The following RSPO2 variants were observed in gnomAD, a reference collection of about 807,000 sequenced individuals.
RSPO2 encodes R-spondin-2.
RSPO2 carries 14 observed loss-of-function variants against 30.9 expected under a neutral mutation model. The observed-to-expected ratio is 0.45, with a 90% CI of 0.30 to 0.71. The LOEUF is 0.71. Among genes scored for constraint, RSPO2 ranks in the 30% least tolerant of loss-of-function variants. The pLI is 0.08. For missense variants in RSPO2, 264 were observed against 301.9 expected (o/e 0.87, Z 0.93); for synonymous variants, 107 against 96.4 (o/e 1.11, Z -0.64).
intron 2 of RSPO2, among the ~76,000 whole-genome samples, chr8:108,015,025 A>G (rs889505308): frequency 6.6e-6 from 1 of 152,166 alleles, no homozygotes; most frequent in African/African-American, 2.4e-5. Flanking sequence ...CTTCTTGATT[A>G]AAAAGAAATG....
At chr8:107,992,545 G>A (rs977920769) in intron 2 of RSPO2, among the ~76,000 whole-genome samples, 8 of 152,042 alleles carry the variant, frequency 5.3e-5, no homozygotes, top group Non-Finnish European at 1.0e-4. Context: ...ACTTGTACCC[G>A]TGAACTTAAA....
chr8:108,056,643 A>AAG, intron 2 of RSPO2, among the ~76,000 whole-genome samples: 1 of 143,832 alleles, frequency 7.0e-6, no homozygotes, highest in Non-Finnish European at 1.5e-5. Flanking sequence ...AAAAAAAAAA[A>AAG]GAAAAGAAAA....
chr8:107,926,176 T>C (rs1418935344), intron 5 of RSPO2, among the ~76,000 whole-genome samples: 1 of 152,186 alleles, frequency 6.6e-6, no homozygotes, highest in Admixed American at 6.5e-5. Flanking sequence ...CATTTTTTCA[T>C]GTGTTTTTTG....
chr8:108,044,090 T>C (rs1811837502), intron 2 of RSPO2, among the ~76,000 whole-genome samples: 1 of 151,728 alleles, frequency 6.6e-6, no homozygotes, highest in African/African-American at 2.4e-5. Context: ...TAGGTCCCAA[T>C]GGTTATGCCA....
chr8:108,067,780 G>A (rs1050078611), intron 2 of RSPO2, among the ~76,000 whole-genome samples: 1 of 152,146 alleles, frequency 6.6e-6, no homozygotes, highest in Admixed American at 6.5e-5. Flanking sequence ...TTAGAGGACA[G>A]CTAACTTCTT....
At chr8:108,017,912 CA>C (rs1453098094) in intron 2 of RSPO2, among the ~76,000 whole-genome samples, 2 of 152,154 alleles carry the variant, frequency 1.3e-5, no homozygotes, top group Non-Finnish European at 2.9e-5. Flanking sequence ...CAGCACTTAA[CA>C]TTACAATCTT....
At chr8:107,991,249 A>AATAC (rs1554579733) in intron 2 of RSPO2, among the ~76,000 whole-genome samples, 22 of 133,468 alleles carry the variant, frequency 1.6e-4, no homozygotes, top group African/African-American at 6.1e-4. Flanking sequence ...CTCCATCTCA[A>AATAC]ACACACACAC....
At chr8:108,057,282 CTTTATA>C (rs752108696) in intron 2 of RSPO2, among the ~76,000 whole-genome samples, 7 of 151,830 alleles carry the variant, frequency 4.6e-5, no homozygotes, top group Middle Eastern at 3.2e-3. Flanking sequence ...ACTTTCAAAA[CTTTATA>C]TTTATGTAGA....
At chr8:107,912,425 C>G (rs1440788785) in intron 5 of RSPO2, among the ~76,000 whole-genome samples, 1 of 152,276 alleles carries the variant, frequency 6.6e-6, no homozygotes, top group African/African-American at 2.4e-5. Flanking sequence ...AGCAAGCAAG[C>G]AGAAATTAAG....
chr8:107,964,378 A>AT (rs1241430388), intron 3 of RSPO2, among the ~76,000 whole-genome samples: 1 of 152,150 alleles, frequency 6.6e-6, no homozygotes, highest in Non-Finnish European at 1.5e-5. Context: ...AGTAGCTGAG[A>AT]TTACAGGCAT....
At chr8:108,018,108 C>T (rs1040174213) in intron 2 of RSPO2, among the ~76,000 whole-genome samples, 8 of 152,078 alleles carry the variant, frequency 5.3e-5, no homozygotes, top group African/African-American at 1.9e-4. Context: ...AAATTATACC[C>T]TCATTTCATA....
At chr8:107,960,860 G>T (rs1813605035) in intron 3 of RSPO2, 43 bp from the exon 4 acceptor site, 4 of 1,435,190 alleles carry the variant, frequency 2.8e-6, no homozygotes, top group Non-Finnish European at 3.8e-6. Context: ...TTCAGTCAAA[G>T]AAATTTACTT....
At chr8:108,013,736 A>T (rs1197455931) in intron 2 of RSPO2, among the ~76,000 whole-genome samples, 1 of 152,212 alleles carries the variant, frequency 6.6e-6, no homozygotes, top group East Asian at 1.9e-4. Context: ...AAAACCCAAG[A>T]CCATAAAAGC....
intron 5 of RSPO2, among the ~76,000 whole-genome samples, chr8:107,908,446 A>C (rs1014711543): frequency 1.3e-5 from 2 of 152,166 alleles, no homozygotes; most frequent in African/African-American, 4.8e-5. Context: ...TAAAGGACAA[A>C]GTTTTCAGAG....
intron 2 of RSPO2, among the ~76,000 whole-genome samples, chr8:108,077,474 T>C (rs886942489): frequency 6.6e-6 from 1 of 152,134 alleles, no homozygotes; most frequent in South Asian, 2.1e-4. Context: ...AATCTTATTC[T>C]CATTCTCTCC....
chr8:107,983,196 C>T lies in RSPO2; in HGVS notation c.283+5860G>A, dbSNP rs1342992596. On this transcript the variant is annotated intron_variant, in intron 3 of 5. Transcript: ENST00000276659. Reference sequence around the variant, plus strand: ...ACCGTTTATTAGCTGTAGGCAAATACGAAGAGGCTATTTCTTGTCACAAAA... The same window carrying T: ...ACCGTTTATTAGCTGTAGGCAAATATGAAGAGGCTATTTCTTGTCACAAAA... The T allele has an allele frequency of 8.9e-6, 14 of 1,564,718 alleles. No individual in the cohort carries two copies. The South Asian group carries it at 1.2e-4, about 13-fold the overall frequency.
In RSPO2 at chr8:108,071,644, C is replaced by T. The variant is rs1254662417; in HGVS notation, c.94+10901G>A. 3.3e-5 allele frequency among the ~76,000 whole-genome samples: 5 copies of T among 152,134 alleles called. No individual in the cohort carries two copies. In the East Asian group the frequency reaches 5.8e-4, roughly 18 times the overall value. ...TAAGCTAGTTTCTTCATTCCAGTTA[C>T]CCAACCTACAGCTATTCTCCCCCAC... is the stretch of plus-strand genomic sequence containing the variant. On this transcript the variant is annotated intron_variant, in intron 2 of 5. Coordinates refer to ENST00000276659, the MANE Select transcript of RSPO2 (RefSeq NM_178565.5).
intron 2 of RSPO2, among the ~76,000 whole-genome samples, chr8:108,009,981 G>A (rs994193623): frequency 2.6e-5 from 4 of 152,036 alleles, no homozygotes; most frequent in East Asian, 3.9e-4. Context: ...CTTGGGAGGC[G>A]GATGTTGCAG....
At chr8:107,982,054 A>G (rs1174234499) in intron 3 of RSPO2, among the ~76,000 whole-genome samples, 1 of 151,660 alleles carries the variant, frequency 6.6e-6, no homozygotes, top group African/African-American at 2.4e-5. Flanking sequence ...AAGAAGAAAA[A>G]AAAGGAAACA....
Sources: allele counts gnomAD v4.1 joint callset (sites outside exome capture counted in the v4.1 genomes callset), GRCh38; gene constraint gnomAD v4.1.1; transcripts MANE v1.5; gene names NCBI Gene and HGNC (gene_info 2026-07-23, HGNC 2026-07-21).